Variants in CSRNP3 observed in about 807,000 individuals in gnomAD.
The protein encoded by CSRNP3 is cysteine and serine rich nuclear protein 3.
CSRNP3 carries 12 observed loss-of-function variants against 48.0 expected under a neutral mutation model. The ratio of observed to expected loss-of-function variants is 0.25; its 90% confidence interval spans 0.16 to 0.41. CSRNP3 has a LOEUF of 0.41. Ranked by LOEUF, CSRNP3 falls within the 10% of genes least tolerant of loss-of-function variation. The probability of loss-of-function intolerance (pLI) is 1.00; values close to 1 mark genes in which losing one functional copy is unlikely to be tolerated. For synonymous variants in CSRNP3, 263 were observed against 269.7 expected (o/e 0.98, Z 0.24); for missense variants, 580 against 724.4 (o/e 0.80, Z 2.29).
intron 3 of CSRNP3, among the ~76,000 whole-genome samples, chr2:165,589,084 G>C (rs935788396): frequency 6.6e-6 from 1 of 152,144 alleles, no homozygotes. Flanking sequence ...TAATATGTAG[G>C]TATTTAAGGA....
At chr2:165,557,707 C>A (rs1685178427) in intron 3 of CSRNP3, among the ~76,000 whole-genome samples, 1 of 152,184 alleles carries the variant, frequency 6.6e-6, no homozygotes, top group Non-Finnish European at 1.5e-5. Context: ...TTCATCTCTG[C>A]CTCCCCCACA....
chr2:165,609,488 A>G (rs1399197253), intron 4 of CSRNP3, among the ~76,000 whole-genome samples: 3 of 134,746 alleles, frequency 2.2e-5, no homozygotes, highest in Admixed American at 7.7e-5. Flanking sequence ...AAAAAAAAAA[A>G]GAGGCAAGTA....
At chr2:165,665,929 G>C (rs189301601) in intron 5 of CSRNP3, among the ~76,000 whole-genome samples, 12 of 147,962 alleles carry the variant, frequency 8.1e-5, no homozygotes, top group African/African-American at 3.0e-4. Context: ...GAGGAAGAAA[G>C]AAAGAGAGAG....
intron 4 of CSRNP3, among the ~76,000 whole-genome samples, chr2:165,636,365 T>G (rs369842865): frequency 6.6e-6 from 1 of 152,210 alleles, no homozygotes; most frequent in African/African-American, 2.4e-5. Context: ...AAGATTCTCT[T>G]TGAGTGAATA....
At chr2:165,562,574 C>G (rs888213293) in intron 3 of CSRNP3, among the ~76,000 whole-genome samples, 2 of 152,128 alleles carry the variant, frequency 1.3e-5, no homozygotes, top group East Asian at 3.9e-4. Flanking sequence ...ATAATTCTGT[C>G]CTCTGAGCAA....
intron 5 of CSRNP3, 129 bp downstream of exon 5, chr2:165,658,149 T>C: frequency 1.9e-6 from 2 of 1,042,550 alleles, no homozygotes. Flanking sequence ...GCTGACATTT[T>C]TTTAAAGCAA....
In CSRNP3 at chr2:165,682,745, G is replaced by C. The variant is rs1687567917; in HGVS notation, c.*2992G>C. ...ATTAATAGCCGTTCTATTCAACAAA[G>C]AGCTGCCCACATGCCAGGAAAGTGC... On this transcript the variant is annotated 3_prime_UTR_variant, in exon 7 of 7. Transcript: ENST00000651982. The C allele has an allele frequency of 6.6e-6, 1 of 152,122 alleles. No individual in the cohort carries two copies. Among genetic ancestry groups the C allele is most frequent in the Middle Eastern group, 3.4e-3 (1 of 294 alleles). The allele number at this position is 152,122 out of a possible 1,614,324, so 9.4% of individuals were successfully genotyped here.
At chr2:165,518,872 A>G (rs1684614367) in intron 3 of CSRNP3, among the ~76,000 whole-genome samples, 1 of 152,054 alleles carries the variant, frequency 6.6e-6, no homozygotes, top group Admixed American at 6.5e-5. Context: ...CTAAGTGAAT[A>G]AGATATGGTC....
At position 165,471,955 on chromosome 2, in the gene CSRNP3, G is replaced by A. The variant is rs113340929; in HGVS notation, c.-283+2215G>A. Among the ~76,000 whole-genome samples the A allele has an allele frequency of 9.1e-3, 1,384 of 152,148 alleles. 22 individuals carry two copies. Among genetic ancestry groups the A allele is most frequent in the African/African-American group, 0.031 (1,306 of 41,548 alleles). On this transcript the variant is annotated intron_variant, in intron 1 of 6. Coordinates refer to ENST00000651982, the MANE Select transcript of CSRNP3 (RefSeq NM_001172173.2). ...GAAAACCATGTAAGGCTTTCAGTGA[G>A]AAATGGGAAGGCATCACCATTTTTT...
chr2:165,561,945 A>G (rs1264383822), intron 3 of CSRNP3, among the ~76,000 whole-genome samples: 1 of 152,154 alleles, frequency 6.6e-6, no homozygotes, highest in Non-Finnish European at 1.5e-5. Flanking sequence ...ATACATGAAA[A>G]TTCCTTTTAT....
chr2:165,598,464 A>G (rs1200407920), intron 4 of CSRNP3, among the ~76,000 whole-genome samples: 2 of 152,184 alleles, frequency 1.3e-5, no homozygotes, highest in East Asian at 1.9e-4. Context: ...TTAATTTTAT[A>G]TGTATTCTCA....
rs983637229 is a variant in CSRNP3, at chr2:165,683,706, G to C, written c.*3953G>C. The C allele has an allele frequency of 5.3e-5, 8 of 152,038 alleles. No individual in the cohort carries two copies. The highest frequency in any genetic ancestry group is 1.9e-4 in the African/African-American group (8 of 41,424). 9.4% of individuals were successfully genotyped at this position (152,038 alleles called of 1,614,324 possible). Reference sequence around the variant, plus strand: ...ACAACTGTCTTGGGTAGTAAAAAGAGGGGAACACTACAAATTATAATGGAT... The same window carrying C: ...ACAACTGTCTTGGGTAGTAAAAAGACGGGAACACTACAAATTATAATGGAT... On this transcript the variant is annotated 3_prime_UTR_variant, in exon 7 of 7. Transcript: ENST00000651982.
chr2:165,673,050 C>T (rs778744129), intron 5 of CSRNP3, among the ~76,000 whole-genome samples: 26 of 146,770 alleles, frequency 1.8e-4, no homozygotes, highest in South Asian at 4.6e-4. Context: ...TGCCAGCTCA[C>T]TTCAATGTTA....
chr2:165,676,502 A>G lies in CSRNP3; in HGVS notation c.599A>G (p.His200Arg), dbSNP rs1687427830. Reference protein sequence around the residue: ...GVKKIDVEEKHELRAIRLSRE... With the variant: ...GVKKIDVEEKRELRAIRLSRE... ...AAAAAGATTGACGTGGAAGAAAAGC[A>G]CGAACTCCGAGCCATCCGCCTCTCA... Residue 200 changes from histidine (H) to arginine (R), a missense_variant, in exon 6 of 7, where the codon CAC (histidine) becomes CGC (arginine). By Grantham distance (29) the His-to-Arg change is conservative. This residue lies in a region of CSRNP3 where 66 missense variants were observed against 137.6 expected (regional missense o/e 0.48). Coordinates refer to ENST00000651982, the MANE Select transcript of CSRNP3 (RefSeq NM_001172173.2). 6.2e-7 allele frequency: 1 copy of G among 1,614,152 alleles called. No homozygotes were observed. Among genetic ancestry groups the G allele is most frequent in the Admixed American group, 1.7e-5 (1 of 60,020 alleles).
chr2:165,584,429 G>C (rs1685595321), intron 3 of CSRNP3, among the ~76,000 whole-genome samples: 1 of 152,142 alleles, frequency 6.6e-6, no homozygotes, highest in South Asian at 2.1e-4. Flanking sequence ...GAAACAAAGA[G>C]CTAGGTAGTA....
chr2:165,657,606 A>G (rs564871966), intron 4 of CSRNP3, among the ~76,000 whole-genome samples, 155 bp from the exon 5 acceptor site: 1 of 152,294 alleles, frequency 6.6e-6, no homozygotes, highest in African/African-American at 2.4e-5. Context: ...AGAAAATTAG[A>G]ACTCTATGCC....
chr2:165,478,674 G>A (rs1375401188), intron 1 of CSRNP3, among the ~76,000 whole-genome samples: 1 of 152,184 alleles, frequency 6.6e-6, no homozygotes, highest in Non-Finnish European at 1.5e-5. Context: ...AAGAAATTGA[G>A]TAGGAAACCT....
chr2:165,519,866 A>C (rs2105233748), intron 3 of CSRNP3, among the ~76,000 whole-genome samples: 1 of 152,292 alleles, frequency 6.6e-6, no homozygotes, highest in African/African-American at 2.4e-5. Context: ...GTAGAGTGTA[A>C]GCAGAGGTAG....
chr2:165,567,404 T>C (rs1278671795), intron 3 of CSRNP3, among the ~76,000 whole-genome samples: 1 of 152,152 alleles, frequency 6.6e-6, no homozygotes, highest in African/African-American at 2.4e-5. Flanking sequence ...CTGTGTCACT[T>C]TGTATAAAGA....
Sources: gnomAD v4.1 joint callset for allele counts (sites outside exome capture counted in the v4.1 genomes callset) on GRCh38, gnomAD v4.1.1 for gene constraint, gnomAD v4.1.1 regional missense constraint, MANE v1.5 for transcripts, NCBI Gene and HGNC (gene_info 2026-07-23, HGNC 2026-07-21) for gene names.